Variants in NEGR1 observed in about 807,000 individuals in gnomAD.
The protein encoded by NEGR1 is IgLON family member 4.
A neutral mutation model predicts 40.9 loss-of-function variants in NEGR1; 10 were observed. That is an observed-to-expected ratio of 0.24 (90% CI 0.15 to 0.42). The LOEUF (loss-of-function observed/expected upper bound fraction) is 0.42, where lower values mean the gene tolerates loss of function less well. Ranked by LOEUF, NEGR1 falls within the 10% of genes least tolerant of loss-of-function variation. NEGR1 has a pLI of 1.00. For synonymous variants in NEGR1, 185 were observed against 166.8 expected (o/e 1.11, Z -0.84); for missense variants, 352 against 438.9 (o/e 0.80, Z 1.77).
intron 5 of NEGR1, among the ~76,000 whole-genome samples, chr1:71,599,901 T>C (rs1465418205): frequency 6.6e-6 from 1 of 152,132 alleles, no homozygotes; most frequent in East Asian, 1.9e-4. Flanking sequence ...CTGCTGTGAG[T>C]TCCTGTATCC....
At chr1:72,000,051 G>A (rs1025283811) in intron 1 of NEGR1, among the ~76,000 whole-genome samples, 9 of 151,776 alleles carry the variant, frequency 5.9e-5, no homozygotes, top group Non-Finnish European at 1.2e-4. Flanking sequence ...ATAACACTAC[G>A]AAAGGTATGC....
rs1214917250 is a variant in NEGR1 at position 71,662,313 on chromosome 1, T to G, written c.667+35695A>C. Among the ~76,000 whole-genome samples the G allele has an allele frequency of 2.6e-5, 4 of 152,288 alleles. No homozygotes were observed. The East Asian group carries it at 7.7e-4, about 29-fold the overall frequency. ...TAGGGTTTTGAACTATCCACAGGCA[T>G]AGATGTTTTTGTTATTATCATTCTC... On this transcript the variant is annotated intron_variant, in intron 4 of 6. Coordinates refer to ENST00000357731, the MANE Select transcript of NEGR1 (RefSeq NM_173808.3).
intron 1 of NEGR1, among the ~76,000 whole-genome samples, chr1:72,266,267 AACT>A (rs937490596): frequency 2.0e-5 from 3 of 151,098 alleles, no homozygotes; most frequent in African/African-American, 7.2e-5. Flanking sequence ...AAACTATGTT[AACT>A]AATAACAAAT....
At chr1:72,017,555 A>G (rs1646722447) in intron 1 of NEGR1, among the ~76,000 whole-genome samples, 1 of 152,174 alleles carries the variant, frequency 6.6e-6, no homozygotes, top group Non-Finnish European at 1.5e-5. Context: ...TAAATGATCA[A>G]ACATGATTGC....
At chr1:72,237,992 A>C (rs1395318837) in intron 1 of NEGR1, among the ~76,000 whole-genome samples, 2 of 151,830 alleles carry the variant, frequency 1.3e-5, no homozygotes, top group African/African-American at 2.4e-5. Flanking sequence ...TGTTCTCCCT[A>C]CTTCTTTCTT....
At chr1:71,630,462 T>C (rs904163021) in intron 4 of NEGR1, among the ~76,000 whole-genome samples, 21 of 151,906 alleles carry the variant, frequency 1.4e-4, no homozygotes, top group African/African-American at 4.6e-4. Flanking sequence ...TATTGTAAAA[T>C]GTATAAAGAT....
intron 3 of NEGR1, among the ~76,000 whole-genome samples, chr1:71,769,215 T>G (rs1234275153): frequency 1.1e-4 from 17 of 152,168 alleles, no homozygotes; most frequent in Non-Finnish European, 2.5e-4. Flanking sequence ...TACAATCATA[T>G]GTAATACAAT....
At chr1:71,416,723 C>T (rs537837066) in intron 6 of NEGR1, among the ~76,000 whole-genome samples, 1 of 152,332 alleles carries the variant, frequency 6.6e-6, no homozygotes, top group Admixed American at 6.5e-5. Context: ...ATACCTGATA[C>T]TCTGCCATAC....
At position 71,581,422 on chromosome 1, in the gene NEGR1, G is replaced by A. The variant is rs369276532; in HGVS notation, c.940+11395C>T. On this transcript the variant is annotated intron_variant, in intron 6 of 6. Coordinates refer to ENST00000357731, the MANE Select transcript of NEGR1 (RefSeq NM_173808.3). The stretch of plus-strand genomic sequence containing the variant: ...TTGCAGTATTCCAAAACTATTCTCC[G>A]ATTCAGCAAAAAAGTTGCACAGGTT... Among the ~76,000 whole-genome samples the A allele has an allele frequency of 1.1e-4, 17 of 152,176 alleles. No individual in the cohort carries two copies. The South Asian group carries it at 3.1e-3, about 28-fold the overall frequency.
At chr1:71,984,890 T>C (rs1271145691) in intron 1 of NEGR1, among the ~76,000 whole-genome samples, 3 of 152,154 alleles carry the variant, frequency 2.0e-5, no homozygotes, top group Non-Finnish European at 2.9e-5. Flanking sequence ...AAATAATAAC[T>C]AATGCTTATA....
intron 1 of NEGR1, among the ~76,000 whole-genome samples, chr1:72,239,054 C>A (rs1241734078): frequency 6.6e-6 from 1 of 151,794 alleles, no homozygotes; most frequent in Non-Finnish European, 1.5e-5. Context: ...TGAGAGATAT[C>A]TTACTTCACA....
intron 1 of NEGR1, among the ~76,000 whole-genome samples, chr1:72,095,198 G>A (rs1648652242): frequency 6.6e-6 from 1 of 151,692 alleles, no homozygotes; most frequent in African/African-American, 2.4e-5. Context: ...CATTAGTGGT[G>A]ACTTTTGATT....
At chr1:71,416,213 A>T (rs911479137) in intron 6 of NEGR1, among the ~76,000 whole-genome samples, 2 of 152,144 alleles carry the variant, frequency 1.3e-5, no homozygotes, top group Non-Finnish European at 2.9e-5. Flanking sequence ...CGTTTTTATG[A>T]TCTTATACAT....
chr1:71,568,449 A>G (rs1369652332), intron 6 of NEGR1, among the ~76,000 whole-genome samples: 1 of 152,180 alleles, frequency 6.6e-6, no homozygotes. Flanking sequence ...GTCCCTGAGG[A>G]CCTTGGAGGT....
chr1:71,572,587 T>C (rs974094380), intron 6 of NEGR1, among the ~76,000 whole-genome samples: 3 of 152,196 alleles, frequency 2.0e-5, no homozygotes, highest in Non-Finnish European at 2.9e-5. Flanking sequence ...ATTTCCAGCA[T>C]AGGGGTCAGC....
intron 2 of NEGR1, among the ~76,000 whole-genome samples, chr1:71,882,571 T>A (rs1301256484): frequency 6.6e-6 from 1 of 152,092 alleles, no homozygotes; most frequent in Non-Finnish European, 1.5e-5. Flanking sequence ...AAACACAATG[T>A]GTAAAATTTT....
At chr1:72,264,080 G>T (rs2100549030) in intron 1 of NEGR1, among the ~76,000 whole-genome samples, 1 of 151,352 alleles carries the variant, frequency 6.6e-6, no homozygotes, top group East Asian at 1.9e-4. Flanking sequence ...AAAATCAAAA[G>T]CTGTTCTGGA....
chr1:71,833,413 A>G (rs1340482248), intron 2 of NEGR1, among the ~76,000 whole-genome samples: 1 of 152,114 alleles, frequency 6.6e-6, no homozygotes, highest in African/African-American at 2.4e-5. Context: ...GAAAAATTAT[A>G]TACTGTGAAA....
chr1:71,772,366 T>C (rs1477399916), intron 3 of NEGR1, among the ~76,000 whole-genome samples: 1 of 151,776 alleles, frequency 6.6e-6, no homozygotes, highest in Non-Finnish European at 1.5e-5. Context: ...ATCACACCAC[T>C]GCACTCTAGT....
Sources: allele counts gnomAD v4.1 joint callset (sites outside exome capture counted in the v4.1 genomes callset), GRCh38; gene constraint gnomAD v4.1.1; transcripts MANE v1.5; gene names NCBI Gene and HGNC (gene_info 2026-07-23, HGNC 2026-07-21).